The following ADAM12 variants were observed in gnomAD, a reference collection of about 807,000 sequenced individuals.
ADAM12 encodes the protein ADAM metallopeptidase domain 12, also known as disintegrin and metalloproteinase domain-containing protein 12.
A neutral mutation model predicts 106.4 loss-of-function variants in ADAM12; 70 were observed. The ratio of observed to expected loss-of-function variants is 0.66; its 90% CI spans 0.54 to 0.80. The LOEUF is 0.80. Ranked by LOEUF, ADAM12 falls within the 30% of genes least tolerant of loss-of-function variation. The pLI, the probability that ADAM12 is intolerant of heterozygous loss-of-function variation, is 0.00. For synonymous variants in ADAM12, 420 were observed against 433.5 expected (o/e 0.97, Z 0.39); for missense variants, 1,010 against 1,171.9 (o/e 0.86, Z 2.02).
At chr10:126,368,970 G>C (rs1856014466) in intron 1 of ADAM12, among the ~76,000 whole-genome samples, 1 of 152,066 alleles carries the variant, frequency 6.6e-6, no homozygotes, top group African/African-American at 2.4e-5. Flanking sequence ...ATTTTTATTA[G>C]ACTATCAGCT....
chr10:126,229,824 G>A lies in ADAM12; in HGVS notation c.260+49091C>T, dbSNP rs546314920. Among the ~76,000 whole-genome samples, 6 of 152,196 alleles carry A rather than the reference G, an allele frequency of 3.9e-5. No homozygotes were observed. The East Asian group carries it at 5.8e-4, about 15-fold the overall frequency. On this transcript the variant is annotated intron_variant, in intron 3 of 22. Coordinates refer to ENST00000448723, the MANE Select transcript of ADAM12 (RefSeq NM_001288973.2). ...CTGCCCCGTATTCCAGTAAATGCTC[G>A]AAGGCATGATTGTTAATCTCTTACT...
intron 3 of ADAM12, among the ~76,000 whole-genome samples, chr10:126,231,994 A>C (rs2133625739): frequency 6.6e-6 from 1 of 152,284 alleles, no homozygotes; most frequent in East Asian, 1.9e-4. Flanking sequence ...CAGACACTGC[A>C]AACTTTATAT....
intron 1 of ADAM12, among the ~76,000 whole-genome samples, chr10:126,381,006 G>A (rs1383649265): frequency 6.6e-6 from 1 of 152,166 alleles, no homozygotes; most frequent in African/African-American, 2.4e-5. Flanking sequence ...CACCAGGAAG[G>A]AATGTGCTTA....
chr10:126,337,954 G>T (rs1854769402), intron 1 of ADAM12, among the ~76,000 whole-genome samples: 1 of 152,158 alleles, frequency 6.6e-6, no homozygotes, highest in Admixed American at 6.5e-5. Context: ...TTGGACTTAT[G>T]ATGACAAAAC....
chr10:126,164,789 G>GCTATGGA (rs1315826006), intron 3 of ADAM12, among the ~76,000 whole-genome samples: 7 of 152,314 alleles, frequency 4.6e-5, no homozygotes, highest in Middle Eastern at 3.4e-3. Context: ...GAATCATGAA[G>GCTATGGA]ATCTTCATGC....
At chr10:126,052,236 T>TG (rs1399462771) in intron 14 of ADAM12, among the ~76,000 whole-genome samples, 1 of 152,138 alleles carries the variant, frequency 6.6e-6, no homozygotes, top group Non-Finnish European at 1.5e-5. Context: ...TGGGGTGTGC[T>TG]GCTGCAGCTG....
chr10:126,330,432 C>T lies in ADAM12; in HGVS notation c.166G>A (p.Val56Met), dbSNP rs767033552. The T allele has an allele frequency of 2.0e-5, 33 of 1,613,394 alleles. No individual in the cohort carries two copies. The South Asian group carries it at 3.5e-4, about 17-fold the overall frequency. ...SVGSGDLWIPVKSFDSKNHPE... is the reference protein window; with the variant it reads ...SVGSGDLWIPMKSFDSKNHPE... ...CTCACCTTGGAGTCGAAGCTCTTCACTGGGATCCAGAGGTCCCCACTCCCA... is the reference window on the plus strand; with the variant it reads ...CTCACCTTGGAGTCGAAGCTCTTCATTGGGATCCAGAGGTCCCCACTCCCA... The change falls in exon 2 of 23, where the codon GTG becomes ATG. Residue 56 changes from valine to methionine, a missense_variant. Coordinates refer to ENST00000448723, the MANE Select transcript of ADAM12 (RefSeq NM_001288973.2).
chr10:126,354,709 G>T (rs1436202816), intron 1 of ADAM12, among the ~76,000 whole-genome samples: 1 of 151,968 alleles, frequency 6.6e-6, no homozygotes, highest in Non-Finnish European at 1.5e-5. Flanking sequence ...CCACCACATA[G>T]ACTTTAGGGG....
intron 3 of ADAM12, among the ~76,000 whole-genome samples, chr10:126,206,632 A>T (rs1243102621): frequency 6.6e-6 from 1 of 152,238 alleles, no homozygotes; most frequent in East Asian, 1.9e-4. Context: ...ACCAAACACC[A>T]GGCAATTATA....
intron 3 of ADAM12, among the ~76,000 whole-genome samples, chr10:126,197,178 C>G (rs1394964278): frequency 6.6e-6 from 1 of 152,066 alleles, no homozygotes; most frequent in Non-Finnish European, 1.5e-5. Flanking sequence ...TTTGTAAAGA[C>G]AGACTTAGAG....
intron 3 of ADAM12, among the ~76,000 whole-genome samples, chr10:126,232,058 G>A (rs1958322896): frequency 1.3e-5 from 2 of 152,102 alleles, no homozygotes. Flanking sequence ...TTCCTGTAAT[G>A]GGCTGAATAC....
At chr10:126,189,374 A>G in intron 3 of ADAM12, among the ~76,000 whole-genome samples, 1 of 152,114 alleles carries the variant, frequency 6.6e-6, no homozygotes, top group African/African-American at 2.4e-5. Context: ...AGGCAAAAGG[A>G]CCAGTTGGGG....
At chr10:126,112,295 T>C (rs539554732) in intron 6 of ADAM12, among the ~76,000 whole-genome samples, 99 of 150,638 alleles carry the variant, frequency 6.6e-4, no homozygotes, top group African/African-American at 2.3e-3. Flanking sequence ...GGCACACGTA[T>C]ACCTATGTAA....
At chr10:126,239,811 C>T (rs1780854176) in intron 3 of ADAM12, among the ~76,000 whole-genome samples, 1 of 152,214 alleles carries the variant, frequency 6.6e-6, no homozygotes, top group African/African-American at 2.4e-5. Flanking sequence ...TCTTGATTTT[C>T]TGGTGGGAAT....
At chr10:126,336,101 G>A (rs1024370447) in intron 1 of ADAM12, among the ~76,000 whole-genome samples, 1 of 152,116 alleles carries the variant, frequency 6.6e-6, no homozygotes, top group Non-Finnish European at 1.5e-5. Context: ...AATGAATAAA[G>A]TATAAACCTA....
At chr10:126,057,377 TAAAAAACAAAAAAAC>T (rs1954652173) in intron 14 of ADAM12, among the ~76,000 whole-genome samples, 1 of 45,782 alleles carries the variant, frequency 2.2e-5, no homozygotes, top group African/African-American at 5.0e-5. Context: ...AAAAAAAAAT[TAAAAAACAAAAAAAC>T]AAAAAAACAA....
chr10:126,236,499 A>G (rs758739637), intron 3 of ADAM12, among the ~76,000 whole-genome samples: 6 of 152,318 alleles, frequency 3.9e-5, no homozygotes, highest in Non-Finnish European at 7.4e-5. Flanking sequence ...CAGATAAATC[A>G]CAGCCTGGGC....
intron 3 of ADAM12, among the ~76,000 whole-genome samples, chr10:126,164,450 A>G (rs1377845430): frequency 6.6e-6 from 1 of 152,232 alleles, no homozygotes; most frequent in Non-Finnish European, 1.5e-5. Flanking sequence ...ATCATTCCAC[A>G]AATTACAAAA....
intron 3 of ADAM12, among the ~76,000 whole-genome samples, chr10:126,224,384 G>A (rs746978301): frequency 4.6e-5 from 7 of 152,220 alleles, no homozygotes; most frequent in Non-Finnish European, 7.3e-5. Context: ...GCCCTGTCTT[G>A]CCTTCCTGGA....
Sources: gnomAD v4.1 joint callset for allele counts (sites outside exome capture counted in the v4.1 genomes callset) on GRCh38, gnomAD v4.1.1 for gene constraint, MANE v1.5 for transcripts, NCBI Gene and HGNC (gene_info 2026-07-23, HGNC 2026-07-21) for gene names.